The following CXXC5 variants were observed in gnomAD, a reference collection of about 807,000 sequenced individuals.
CXXC5 encodes the protein CXXC-type zinc finger protein 5.
Under a neutral mutation model 17.6 loss-of-function variants are expected in CXXC5, and 2 were observed. The ratio of observed to expected loss-of-function variants is 0.11; its 90% confidence interval spans 0.05 to 0.36. The LOEUF (loss-of-function observed/expected upper bound fraction) is 0.36. Among genes scored for constraint, CXXC5 ranks in the 10% least tolerant of loss-of-function variants. CXXC5 has a pLI of 1.00. For synonymous variants in CXXC5, 171 were observed against 193.0 expected, an observed-to-expected ratio of 0.89 and a Z score of 0.94; for missense variants, 343 against 458.3, an observed-to-expected ratio of 0.75 and a Z score of 2.30.
rs755606525 is a variant in CXXC5, at chr5:139,680,685, A to G, written c.162A>G (p.Pro54=). 6 of 1,612,656 alleles carry G rather than the reference A, an allele frequency of 3.7e-6. No homozygotes were observed. ...CAGCCTCAGTGGCAGATGACACACCACCCCCCGAGCGTCGGAACAAGAGCG... is the reference window on the plus strand; with the variant it reads ...CAGCCTCAGTGGCAGATGACACACCGCCCCCCGAGCGTCGGAACAAGAGCG... ...AAPASVADDT[P]PPERRNKSGI... The change falls in exon 2 of 3, where the codon CCA becomes CCG. Residue 54 remains proline (P), a synonymous_variant. Coordinates refer to ENST00000302517, the MANE Select transcript of CXXC5 (RefSeq NM_016463.9).
At chr5:139,675,154 G>A (rs191046442) in intron 1 of CXXC5, among the ~76,000 whole-genome samples, 13 of 152,270 alleles carry the variant, frequency 8.5e-5, no homozygotes, top group African/African-American at 1.9e-4. Flanking sequence ...CTGTCTCTCC[G>A]GTATCATAAG....
chr5:139,648,818 G>C lies in CXXC5; in HGVS notation c.-188G>C, dbSNP rs1318943686. 1 of 152,972 alleles carries C rather than the reference G, an allele frequency of 6.5e-6. No individual in the cohort carries two copies. The highest frequency in any genetic ancestry group is 1.5e-5 in the Non-Finnish European group (1 of 68,510). 9.5% of individuals were successfully genotyped at this position (152,972 alleles called of 1,614,324 possible). Reference sequence around the variant, plus strand: ...CCTCGGCCTCGCGGCGACGGCGGCGGTGGCGGCTTGGACGACTCGGAGAGC... The same window carrying C: ...CCTCGGCCTCGCGGCGACGGCGGCGCTGGCGGCTTGGACGACTCGGAGAGC... On this transcript the variant is annotated 5_prime_UTR_variant, in exon 1 of 3. Transcript: ENST00000302517.
chr5:139,658,168 C>T lies in CXXC5; in HGVS notation c.-161+9323C>T, dbSNP rs183554943. 5.0e-4 allele frequency among the ~76,000 whole-genome samples: 76 copies of T among 152,230 alleles called. 1 individual carries two copies. The highest frequency in any genetic ancestry group is 6.8e-3 in the Middle Eastern group (2 of 294). ...GGAAATTAGTTAACTGGGCTCATAG[C>T]AGTAGGCAGAAGTGGACCTGGCCCC... On this transcript the variant is annotated intron_variant, in intron 1 of 2. Coordinates refer to ENST00000302517, the MANE Select transcript of CXXC5 (RefSeq NM_016463.9). The surrounding 1 kb of genome is among the most constrained non-coding windows in gnomAD (Gnocchi z 4.1).
intron 1 of CXXC5, among the ~76,000 whole-genome samples, chr5:139,651,932 C>A (rs1755205076): frequency 6.6e-6 from 1 of 152,248 alleles, no homozygotes; most frequent in South Asian, 2.1e-4. Flanking sequence ...CATTTGTTGG[C>A]CCAATATGTT....
chr5:139,655,703 T>G (rs1050071117), intron 1 of CXXC5, among the ~76,000 whole-genome samples: 2 of 152,044 alleles, frequency 1.3e-5, no homozygotes, highest in African/African-American at 4.8e-5. Context: ...CCGCGGCAAC[T>G]GGTCCGCCTG....
chr5:139,656,884 C>T (rs1372949292), intron 1 of CXXC5, among the ~76,000 whole-genome samples: 1 of 152,198 alleles, frequency 6.6e-6, no homozygotes, highest in East Asian at 1.9e-4. Flanking sequence ...GCCACCATGC[C>T]TGGCTAATTT....
At chr5:139,677,725 G>A (rs1756934549) in intron 1 of CXXC5, among the ~76,000 whole-genome samples, 1 of 152,234 alleles carries the variant, frequency 6.6e-6, no homozygotes, top group Non-Finnish European at 1.5e-5. Flanking sequence ...GGTGGGCCCT[G>A]AAGAAGGATA....
intron 1 of CXXC5, among the ~76,000 whole-genome samples, chr5:139,651,927 G>A (rs1010932139): frequency 9.2e-5 from 14 of 152,088 alleles, no homozygotes; most frequent in Non-Finnish European, 2.1e-4. Flanking sequence ...TTATTCATTT[G>A]TTGGCCCAAT....
intron 1 of CXXC5, among the ~76,000 whole-genome samples, chr5:139,653,926 G>A (rs1423461564): frequency 6.6e-6 from 1 of 152,158 alleles, no homozygotes; most frequent in African/African-American, 2.4e-5. Flanking sequence ...ATTAGTTCCA[G>A]GCACACTGGC....
intron 1 of CXXC5, chr5:139,679,977 A>G (rs6580200): frequency 0.36 from 55,800 of 155,826 alleles, 10,718 homozygotes; most frequent in African/African-American, 0.47. Context: ...AGCATCTCCA[A>G]CACTCTCCCA....
chr5:139,655,100 G>A (rs1221657419), intron 1 of CXXC5, among the ~76,000 whole-genome samples: 2 of 152,146 alleles, frequency 1.3e-5, no homozygotes, highest in Non-Finnish European at 2.9e-5. Flanking sequence ...AGGGTGGCTG[G>A]CAGCTCTGGA....
chr5:139,648,909 C>T (rs1213212133), intron 1 of CXXC5, 64 bp downstream of exon 1: 1 of 152,160 alleles, frequency 6.6e-6, no homozygotes, highest in African/African-American at 2.4e-5. Flanking sequence ...CCCTTCCCCG[C>T]CTACCTCCCT....
At chr5:139,650,179 G>T (rs1354998064) in intron 1 of CXXC5, among the ~76,000 whole-genome samples, 2 of 152,208 alleles carry the variant, frequency 1.3e-5, no homozygotes, top group African/African-American at 4.8e-5. Context: ...GTTCTGTAGT[G>T]ACTCATTCGG....
intron 1 of CXXC5, among the ~76,000 whole-genome samples, chr5:139,677,325 G>A (rs928199701): frequency 1.3e-5 from 2 of 152,220 alleles, no homozygotes; most frequent in Admixed American, 1.3e-4. Flanking sequence ...TCCTGGCCTG[G>A]AAGGGGATGG....
intron 1 of CXXC5, among the ~76,000 whole-genome samples, chr5:139,666,718 C>T (rs551168621): frequency 5.3e-5 from 8 of 152,338 alleles, no homozygotes; most frequent in Non-Finnish European, 7.3e-5. Flanking sequence ...CAGAGAGCTG[C>T]GGAGAGGTGC....
At chr5:139,656,065 G>C (rs747947048) in intron 1 of CXXC5, among the ~76,000 whole-genome samples, 5 of 152,264 alleles carry the variant, frequency 3.3e-5, no homozygotes, top group Non-Finnish European at 5.9e-5. Flanking sequence ...CCTTGCCTGT[G>C]ACCTTTTCTG....
intron 1 of CXXC5, among the ~76,000 whole-genome samples, chr5:139,678,644 G>A (rs918469292): frequency 1.4e-5 from 2 of 145,786 alleles, no homozygotes; most frequent in African/African-American, 2.5e-5. Flanking sequence ...CCTCCCCCCC[G>A]CTTGGGGCCT....
chr5:139,659,832 C>T (rs1477754449), intron 1 of CXXC5, among the ~76,000 whole-genome samples: 1 of 152,188 alleles, frequency 6.6e-6, no homozygotes, highest in Non-Finnish European at 1.5e-5. Context: ...CCCTTGCTTT[C>T]TCCCACTGCC....
rs1756414788 is a variant in CXXC5, at chr5:139,670,653, A to G, written c.-160-9711A>G. On this transcript the variant is annotated intron_variant, in intron 1 of 2. Transcript: ENST00000302517. This position sits in a 1 kb window ranked among gnomAD's most constrained non-coding sequence, Gnocchi z 4.2. ...CAGAAGACTCCACAAACATCCTCTC[A>G]CCACGTAAACCACCCTATTCGCACA... Among the ~76,000 whole-genome samples the G allele has an allele frequency of 6.6e-6, 1 of 152,142 alleles. No individual in the cohort carries two copies.
Sources: allele counts gnomAD v4.1 joint callset (sites outside exome capture counted in the v4.1 genomes callset), GRCh38; gene constraint gnomAD v4.1.1; non-coding constraint Gnocchi (gnomAD v3.1); transcripts MANE v1.5; gene names NCBI Gene and HGNC (gene_info 2026-07-23, HGNC 2026-07-21).